The following MINDY4 variants were observed in gnomAD, a reference collection of about 807,000 sequenced individuals.
MINDY4 encodes probable ubiquitin carboxyl-terminal hydrolase MINDY-4.
MINDY4 carries 68 observed loss-of-function variants against 87.0 expected under a neutral mutation model. The ratio of observed to expected loss-of-function variants is 0.78; its 90% CI spans 0.64 to 0.96. The LOEUF (loss-of-function observed/expected upper bound fraction) is 0.96. Ranked by LOEUF, MINDY4 falls within the 40% of genes least tolerant of loss-of-function variation. MINDY4 has a pLI of 0.00. For missense variants in MINDY4, 919 were observed against 928.2 expected, an observed-to-expected ratio of 0.99 and a Z score of 0.13; for synonymous variants, 379 against 363.2, an observed-to-expected ratio of 1.04 and a Z score of -0.50.
chr7:30,833,027 G>A (rs1348383428), intron 6 of MINDY4, among the ~76,000 whole-genome samples: 1 of 152,096 alleles, frequency 6.6e-6, no homozygotes, highest in East Asian at 1.9e-4. Context: ...ATAGCATTGT[G>A]TTATATATCT....
chr7:30,772,256 C>A (rs1786666521), intron 1 of MINDY4, among the ~76,000 whole-genome samples: 1 of 152,118 alleles, frequency 6.6e-6, no homozygotes, highest in Admixed American at 6.5e-5. Context: ...GAGGGCTGCA[C>A]TCTGTGTGTT....
rs77221295 is a variant in MINDY4 at position 30,852,247 on chromosome 7, G to A, written c.1579G>A (p.Gly527Arg). Residue 527 changes from glycine (G) to arginine (R), a missense_variant, in exon 11 of 18, where the codon GGG becomes AGG. Physicochemically the swap from Gly to Arg is moderately radical, Grantham distance 125. Transcript: ENST00000265299. Reference protein sequence around the residue: ...ASRTQQFSPTGKYKADGVLET... With the variant: ...ASRTQQFSPTRKYKADGVLET... ...GAGAACACAGCAGTTCAGTCCAACA[G>A]GGAAATACAAAGCAGATGGAGTCTT... is the stretch of plus-strand genomic sequence containing the variant. 47 of 1,614,168 alleles carry A rather than the reference G, an allele frequency of 2.9e-5. No homozygotes were observed. In the East Asian group the frequency reaches 9.4e-4, roughly 32 times the overall value.
chr7:30,852,298 T>C lies in MINDY4; in HGVS notation c.1611+19T>C. 1.2e-6 allele frequency: 2 copies of C among 1,613,942 alleles called. No individual in the cohort carries two copies. Among genetic ancestry groups the C allele is most frequent in the Non-Finnish European group, 1.7e-6 (2 of 1,179,958 alleles). ...AGAAACAGTACGACTTTCTGGAAAA[T>C]TATCACGCAAACTTTGGCTTTGTTT... On this transcript the variant is annotated intron_variant, in intron 11 of 17. Coordinates refer to ENST00000265299, the MANE Select transcript of MINDY4 (RefSeq NM_032222.3).
At chr7:30,793,647 C>T (rs1377166400) in intron 5 of MINDY4, among the ~76,000 whole-genome samples, 1 of 152,128 alleles carries the variant, frequency 6.6e-6, no homozygotes, top group Non-Finnish European at 1.5e-5. Context: ...TTGTGAACTC[C>T]TGGGCTCAAG....
At chr7:30,797,709 G>T (rs558243894) in intron 5 of MINDY4, among the ~76,000 whole-genome samples, 1 of 152,308 alleles carries the variant, frequency 6.6e-6, no homozygotes. Context: ...GACATGCTGT[G>T]ATCTCACTTG....
At chr7:30,868,846 G>T (rs1466643418) in intron 13 of MINDY4, among the ~76,000 whole-genome samples, 2 of 152,196 alleles carry the variant, frequency 1.3e-5, no homozygotes, top group Non-Finnish European at 2.9e-5. Context: ...CATCCCTGGA[G>T]GCTGGGTCAT....
At chr7:30,854,707 A>G (rs1789520025) in intron 12 of MINDY4, among the ~76,000 whole-genome samples, 1 of 152,246 alleles carries the variant, frequency 6.6e-6, no homozygotes, top group Non-Finnish European at 1.5e-5. Context: ...CTGCTGTCAG[A>G]CTGCCTTCCG....
chr7:30,822,018 C>T (rs2391920), intron 5 of MINDY4, among the ~76,000 whole-genome samples: 55,316 of 151,814 alleles, frequency 0.36, 12,789 homozygotes, highest in African/African-American at 0.64. Context: ...ATATATTAAT[C>T]GTATTTATAT....
Position 30,809,018 on chromosome 7 carries a change from AAG to A in MINDY4, c.1073+17450_1073+17451del. 3.3e-5 allele frequency among the ~76,000 whole-genome samples: 5 copies of A among 152,172 alleles called. No homozygotes were observed. In the East Asian group the frequency reaches 9.7e-4, roughly 29 times the overall value. ...AAAGAGAAAAAGAGACAGAAAATCAAAGAGAGAAAGAAAGAAAGAGAGAGATA... is the reference window on the plus strand; with the variant it reads ...AAAGAGAAAAAGAGACAGAAAATCAAAGAGAAAGAAAGAAAGAGAGAGATA... On this transcript the variant is annotated intron_variant, in intron 5 of 17. Transcript: ENST00000265299.
intron 9 of MINDY4, 32 bp from the exon 10 acceptor site, chr7:30,850,421 TG>T (rs1789377645): frequency 3.8e-6 from 6 of 1,579,688 alleles, no homozygotes; most frequent in Non-Finnish European, 5.2e-6. Context: ...TGTGTCCACA[TG>T]GGCATAAATG....
intron 13 of MINDY4, among the ~76,000 whole-genome samples, chr7:30,867,915 T>G (rs1185087825): frequency 1.3e-5 from 2 of 152,170 alleles, no homozygotes; most frequent in Non-Finnish European, 2.9e-5. Flanking sequence ...AGGAGGCCCC[T>G]AGAGATTTCT....
chr7:30,786,072 TG>T, intron 4 of MINDY4, 80 bp downstream of exon 4: 1 of 1,572,390 alleles, frequency 6.4e-7, no homozygotes, highest in Non-Finnish European at 8.6e-7. Flanking sequence ...TGGGTTTATT[TG>T]GGGTACCCCA....
At chr7:30,834,396 G>A (rs1788798634) in intron 6 of MINDY4, among the ~76,000 whole-genome samples, 1 of 152,248 alleles carries the variant, frequency 6.6e-6, no homozygotes, top group African/African-American at 2.4e-5. Context: ...GTCATCACTA[G>A]AGTGGCTGGG....
chr7:30,892,125 C>CA lies in MINDY4; in HGVS notation c.*121dup. The CA allele has an allele frequency of 9.8e-7, 1 of 1,023,618 alleles. No homozygotes were observed. The highest frequency in any genetic ancestry group is 1.5e-6 in the Non-Finnish European group (1 of 657,836). The allele number at this position is 1,023,618 out of a possible 1,614,324, so 63.4% of individuals were successfully genotyped here. A position where few individuals can be genotyped will look rare whatever the true frequency, so the allele number is the denominator to read the frequency against. The stretch of plus-strand genomic sequence containing the variant: ...ACCCCAACCTGGGTCAGCATGACTG[C>CA]AGAAGCATCCAGAGCCTCCCTGCCC... On this transcript the variant is annotated 3_prime_UTR_variant, in exon 18 of 18. Coordinates refer to ENST00000265299, the MANE Select transcript of MINDY4 (RefSeq NM_032222.3).
In MINDY4 at chr7:30,884,289, C is replaced by T. The variant is rs62449129; in HGVS notation, c.2225+1296C>T. Among the ~76,000 whole-genome samples the T allele has an allele frequency of 3.9e-3, 593 of 152,278 alleles. 4 individuals are homozygous for T. Among genetic ancestry groups the T allele is most frequent in the Non-Finnish European group, 6.4e-3 (435 of 68,018 alleles). On this transcript the variant is annotated intron_variant, in intron 17 of 17. Coordinates refer to ENST00000265299, the MANE Select transcript of MINDY4 (RefSeq NM_032222.3). ...CGAGACATCCTCGACATGCTTTGTCCGTCCGTCCGTCCATCCGTTCGTCCA... is the reference window on the plus strand; with the variant it reads ...CGAGACATCCTCGACATGCTTTGTCTGTCCGTCCGTCCATCCGTTCGTCCA...
At chr7:30,859,959 G>A (rs1562557369) in intron 13 of MINDY4, among the ~76,000 whole-genome samples, 1 of 152,182 alleles carries the variant, frequency 6.6e-6, no homozygotes, top group Non-Finnish European at 1.5e-5. Context: ...AGCTTTTTAG[G>A]CCTCTTTGTC....
chr7:30,810,252 A>G (rs1326900541), intron 5 of MINDY4, among the ~76,000 whole-genome samples: 4 of 151,578 alleles, frequency 2.6e-5, no homozygotes, highest in Non-Finnish European at 5.9e-5. Flanking sequence ...TGTCTGCGAA[A>G]GTCGTGAAAG....
chr7:30,794,578 G>T (rs1373364662), intron 5 of MINDY4, among the ~76,000 whole-genome samples: 2 of 152,158 alleles, frequency 1.3e-5, no homozygotes, highest in African/African-American at 4.8e-5. Flanking sequence ...GTGCAGTCAG[G>T]CCCTCCTAAC....
chr7:30,890,942 A>T (rs1368393230), intron 17 of MINDY4, among the ~76,000 whole-genome samples: 1 of 152,146 alleles, frequency 6.6e-6, no homozygotes, highest in South Asian at 2.1e-4. Flanking sequence ...GACTTTCTGG[A>T]TGTAGATGTA....
Sources: gnomAD v4.1 joint callset for allele counts (sites outside exome capture counted in the v4.1 genomes callset) on GRCh38, gnomAD v4.1.1 for gene constraint, MANE v1.5 for transcripts, NCBI Gene and HGNC (gene_info 2026-07-23, HGNC 2026-07-21) for gene names.